The following SLC5A4 variants were observed in gnomAD, a reference collection of about 807,000 sequenced individuals.
SLC5A4 encodes solute carrier family 5 member 4.
Under a neutral mutation model 70.3 loss-of-function variants are expected in SLC5A4, and 55 were observed. The observed-to-expected ratio is 0.78, with a 90% CI of 0.63 to 0.98. The LOEUF (loss-of-function observed/expected upper bound fraction) is 0.98. SLC5A4 is among the 50% of genes least tolerant of loss of function. The probability of loss-of-function intolerance (pLI) is 0.00; values close to 1 mark genes in which losing one functional copy is unlikely to be tolerated. For synonymous variants in SLC5A4, 268 were observed against 305.7 expected, an observed-to-expected ratio of 0.88 and a Z score of 1.29; for missense variants, 735 against 839.2, an observed-to-expected ratio of 0.88 and a Z score of 1.53.
rs764460959 is a variant in SLC5A4, at chr22:32,220,971, T to G, written c.1717A>C (p.Ile573Leu). ...TCCTGACTTTTCTCTTCTGCATCTA[T>G]ATCGATTCGCTCCTCTGTACTGTTC... The part of the protein sequence containing the change: ...LRNSTEERID[I>L]DAEEKSQEET... The change falls in exon 14 of 15, where the codon ATA becomes CTA. Residue 573 changes from isoleucine (I) to leucine (L), a missense_variant. By Grantham distance (5) the Ile-to-Leu change is conservative (BLOSUM62 2). Transcript: ENST00000266086. 3 of 1,613,946 alleles carry G rather than the reference T, an allele frequency of 1.9e-6. No individual in the cohort carries two copies. The highest frequency in any genetic ancestry group is 2.5e-6 in the Non-Finnish European group (3 of 1,179,926).
chr22:32,251,414 G>A (rs1452911849), intron 3 of SLC5A4, among the ~76,000 whole-genome samples: 2 of 151,878 alleles, frequency 1.3e-5, no homozygotes, highest in Non-Finnish European at 2.9e-5. Context: ...TAGTAGGAGT[G>A]GGTTCCTGAT....
At chr22:32,323,576 C>T in the SLC5A4 span, among the ~76,000 whole-genome samples, 8 of 152,196 alleles carry the variant, frequency 5.3e-5, no homozygotes, top group Non-Finnish European at 1.0e-4. Context: ...TGTCTGCAGG[C>T]ACGGACGGTG....
chr22:32,248,543 C>T (rs1370195562), intron 4 of SLC5A4, among the ~76,000 whole-genome samples, 200 bp downstream of exon 4: 3 of 152,186 alleles, frequency 2.0e-5, no homozygotes, highest in Non-Finnish European at 4.4e-5. Flanking sequence ...CACATGGTTA[C>T]ATATCTTCCC....
the SLC5A4 span, among the ~76,000 whole-genome samples, chr22:32,316,528 C>CTTT: frequency 1.2e-4 from 18 of 150,256 alleles, no homozygotes; most frequent in Non-Finnish European, 2.5e-4. Context: ...AGCATTAGTG[C>CTTT]TTTTTTTTTA....
At chr22:32,255,430 A>G, upstream of SLC5A4, 2 of 1,327,610 alleles carry the variant, frequency 1.5e-6, no homozygotes, top group Non-Finnish European at 2.1e-6. Flanking sequence ...TATCAGAGCC[A>G]GCTCCTGGAT....
chr22:32,309,424 C>A, the SLC5A4 span, among the ~76,000 whole-genome samples: 1 of 152,058 alleles, frequency 6.6e-6, no homozygotes, highest in Non-Finnish European at 1.5e-5. Context: ...AAGCTCACAG[C>A]AAAAAGTAAG....
intron 5 of SLC5A4, among the ~76,000 whole-genome samples, chr22:32,239,588 A>G (rs867672056): frequency 0.087 from 2,835 of 32,740 alleles, 107 homozygotes; most frequent in Non-Finnish European, 0.12. Flanking sequence ...ATATTTATAT[A>G]TATATAAATT....
the SLC5A4 span, among the ~76,000 whole-genome samples, chr22:32,300,985 C>T: frequency 0.48 from 72,818 of 151,824 alleles, 17,608 homozygotes; most frequent in Admixed American, 0.51. Context: ...TTTTTTGAGA[C>T]GGAATCTTGC....
the SLC5A4 span, among the ~76,000 whole-genome samples, chr22:32,339,182 C>G: frequency 6.6e-6 from 1 of 152,202 alleles, no homozygotes; most frequent in Non-Finnish European, 1.5e-5. Context: ...GAGAAAAACG[C>G]AAAGCAGTCG....
the SLC5A4 span, among the ~76,000 whole-genome samples, chr22:32,328,990 C>CTCCTGCT: frequency 6.6e-6 from 1 of 152,256 alleles, no homozygotes; most frequent in Non-Finnish European, 1.5e-5. Context: ...TTCCCTCTGC[C>CTCCTGCT]TCCTGCTTCC....
chr22:32,323,078 G>C, the SLC5A4 span, among the ~76,000 whole-genome samples: 1 of 152,184 alleles, frequency 6.6e-6, no homozygotes, highest in African/African-American at 2.4e-5. Flanking sequence ...GATTTGCTTA[G>C]AAATTCTCAG....
At chr22:32,271,180 A>G in the SLC5A4 span, 42 of 708,470 alleles carry the variant, frequency 5.9e-5, no homozygotes, top group African/African-American at 6.8e-4. Flanking sequence ...GAATGGCACC[A>G]TGGTGACCTG....
At chr22:32,316,744 G>C in the SLC5A4 span, among the ~76,000 whole-genome samples, 1 of 151,720 alleles carries the variant, frequency 6.6e-6, no homozygotes, top group Non-Finnish European at 1.5e-5. Context: ...CACCATGTTG[G>C]CCAGTCTGGT....
intron 14 of SLC5A4, 122 bp from the exon 15 acceptor site, chr22:32,218,847 A>C (rs752326581): frequency 5.8e-5 from 38 of 659,890 alleles, no homozygotes; most frequent in South Asian, 2.2e-5. Context: ...TGTTAAGAGG[A>C]ATCCCTGAGA....
the SLC5A4 span, among the ~76,000 whole-genome samples, chr22:32,321,944 A>G: frequency 6.6e-6 from 1 of 152,262 alleles, no homozygotes; most frequent in Non-Finnish European, 1.5e-5. Context: ...AATACTATAC[A>G]TGACAAGTGA....
At chr22:32,312,371 A>ACG in the SLC5A4 span, among the ~76,000 whole-genome samples, 1 of 125,718 alleles carries the variant, frequency 8.0e-6, no homozygotes, top group South Asian at 3.2e-4. Flanking sequence ...GCGCGCACAC[A>ACG]CACACACACA....
the SLC5A4 span, among the ~76,000 whole-genome samples, chr22:32,313,809 G>A: frequency 7.9e-6 from 1 of 126,476 alleles, no homozygotes; most frequent in East Asian, 3.1e-4. Flanking sequence ...ATTGGGAAGG[G>A]GACATAAATC....
Position 32,244,698 on chromosome 22 carries a change from A to AT in SLC5A4, c.477+2712dup, listed in dbSNP as rs987156706. On this transcript the variant is annotated intron_variant, in intron 5 of 14. Coordinates refer to ENST00000266086, the MANE Select transcript of SLC5A4 (RefSeq NM_014227.3). ...GTGTGCCCCCATACCTGGCTAAATAATTTTTTTTTTGGTAGAGATAAGGGT... is the reference window on the plus strand; with the variant it reads ...GTGTGCCCCCATACCTGGCTAAATAATTTTTTTTTTTGGTAGAGATAAGGGT... Among the ~76,000 whole-genome samples, 14 of 149,682 alleles carry AT rather than the reference A, an allele frequency of 9.4e-5. No individual in the cohort carries two copies. In the South Asian group the frequency reaches 1.3e-3, roughly 14 times the overall value.
At chr22:32,332,843 A>T in the SLC5A4 span, among the ~76,000 whole-genome samples, 1 of 152,134 alleles carries the variant, frequency 6.6e-6, no homozygotes, top group East Asian at 1.9e-4. Context: ...TAAATACCAC[A>T]AAGTGCTCTG....
Sources: gnomAD v4.1 joint callset for allele counts (sites outside exome capture counted in the v4.1 genomes callset) on GRCh38, gnomAD v4.1.1 for gene constraint, MANE v1.5 for transcripts, NCBI Gene and HGNC (gene_info 2026-07-23, HGNC 2026-07-21) for gene names.